The following SPTB variants were observed in gnomAD, a reference collection of about 807,000 sequenced individuals.
SPTB encodes spectrin beta, erythrocytic.
In SPTB, 45 loss-of-function variants were observed where a neutral mutation model predicts 256.2. The ratio of observed to expected loss-of-function variants is 0.18; its 90% CI spans 0.14 to 0.23. SPTB has a LOEUF of 0.23. Among genes scored for constraint, SPTB ranks in the 10% least tolerant of loss-of-function variants. SPTB has a pLI of 1.00. For synonymous variants in SPTB, 1,231 were observed against 1,243.1 expected, an observed-to-expected ratio of 0.99 and a Z score of 0.21; for missense variants, 2,715 against 3,040.4, an observed-to-expected ratio of 0.89 and a Z score of 2.52.
At chr14:64,801,258 A>AGGCTGGCAG in intron 7 of SPTB, 27 bp downstream of exon 7, 1 of 1,580,042 alleles carries the variant, frequency 6.3e-7, no homozygotes, top group Non-Finnish European at 8.7e-7. Context: ...GCTGCAGCAA[A>AGGCTGGCAG]GGCTGGCAGG....
intron 2 of SPTB, among the ~76,000 whole-genome samples, chr14:64,811,721 T>C (rs188425849): frequency 1.3e-3 from 191 of 152,368 alleles, no homozygotes; most frequent in African/African-American, 3.9e-3. Context: ...CTCTACTTTT[T>C]TACCAGTTTG....
intron 1 of SPTB, among the ~76,000 whole-genome samples, chr14:64,854,530 C>T (rs1197409372): frequency 3.3e-5 from 5 of 151,952 alleles, no homozygotes; most frequent in East Asian, 3.9e-4. Context: ...CGCCCGCCTC[C>T]GCCTCCCAAA....
intron 1 of SPTB, among the ~76,000 whole-genome samples, chr14:64,840,709 C>T (rs573824375): frequency 1.3e-5 from 2 of 152,308 alleles, no homozygotes; most frequent in Middle Eastern, 3.4e-3. Flanking sequence ...TCACCATCCC[C>T]ACACACTTAC....
intron 5 of SPTB, 131 bp from the exon 6 acceptor site, chr14:64,801,965 G>C: frequency 1.0e-6 from 1 of 956,292 alleles, no homozygotes; most frequent in Non-Finnish European, 1.7e-6. Flanking sequence ...ACCAAGAGGG[G>C]GCAGCAGCTA....
At chr14:64,765,710 AGG>A (rs1403158854) in intron 32 of SPTB, among the ~76,000 whole-genome samples, 1 of 152,146 alleles carries the variant, frequency 6.6e-6, no homozygotes, top group African/African-American at 2.4e-5. Flanking sequence ...GGCTCTGCAT[AGG>A]GGGAAAGAAT....
intron 32 of SPTB, among the ~76,000 whole-genome samples, chr14:64,766,195 G>T (rs562999060): frequency 1.7e-4 from 26 of 149,242 alleles, no homozygotes; most frequent in African/African-American, 5.8e-4. Flanking sequence ...TGTGTATGTG[G>T]GTGTGTGGTT....
chr14:64,769,672 A>G lies in SPTB; in HGVS notation c.5855T>C (p.Ile1952Thr), dbSNP rs138039383. 1,756 of 1,614,152 alleles carry G rather than the reference A, an allele frequency of 1.1e-3. 1 individual carries two copies. Among genetic ancestry groups the G allele is most frequent in the Non-Finnish European group, 1.4e-3 (1,658 of 1,180,024 alleles). Reference sequence around the variant, plus strand: ...ACTGAAGTTCTTGCTCCGGGTTTCAATCTCTGCATTGATGCCCTGGTGATA... The same window carrying G: ...ACTGAAGTTCTTGCTCCGGGTTTCAGTCTCTGCATTGATGCCCTGGTGATA... ...MKYHQGINAE[I>T]ETRSKNFSAC... Residue 1952 changes from isoleucine to threonine, a missense_variant, in exon 28 of 36, where the codon ATT becomes ACT. Ile to Thr is a moderately conservative substitution (Grantham distance 89). Around this residue, in one of 4 missense-constraint regions of SPTB, gnomAD observed 2,239 missense variants for 2,384.4 expected, o/e 0.94. Coordinates refer to ENST00000644917, the MANE Select transcript of SPTB (RefSeq NM_001355436.2).
chr14:64,858,668 C>T (rs2083911601), intron 1 of SPTB, among the ~76,000 whole-genome samples: 1 of 152,104 alleles, frequency 6.6e-6, no homozygotes, highest in Non-Finnish European at 1.5e-5. Flanking sequence ...GGCATTTGGT[C>T]TAAGTACGCA....
chr14:64,817,734 A>C (rs2083217769), intron 2 of SPTB, among the ~76,000 whole-genome samples: 1 of 152,258 alleles, frequency 6.6e-6, no homozygotes, highest in African/African-American at 2.4e-5. Context: ...GGGAGAGGCC[A>C]AACATGTCCT....
intron 32 of SPTB, among the ~76,000 whole-genome samples, chr14:64,763,513 C>T (rs780262905): frequency 4.6e-5 from 7 of 152,270 alleles, no homozygotes; most frequent in South Asian, 2.1e-4. Context: ...CCACCTCTCC[C>T]AGCCCCTCCC....
In SPTB at chr14:64,866,909, T is replaced by C. The variant is rs1246163327; in HGVS notation, c.-52+12883A>G. On this transcript the variant is annotated intron_variant, in intron 1 of 35. Transcript: ENST00000644917. The surrounding 1 kb of genome is among the most constrained non-coding windows in gnomAD (Gnocchi z 4.6). ...TGCTTTTCTTAACTCTTTATTGTTATGAAACAAATCTTGTGTCCGTGGATC... is the reference window on the plus strand; with the variant it reads ...TGCTTTTCTTAACTCTTTATTGTTACGAAACAAATCTTGTGTCCGTGGATC... Among the ~76,000 whole-genome samples, 2 of 152,216 alleles carry C rather than the reference T, an allele frequency of 1.3e-5. No individual in the cohort carries two copies. Among genetic ancestry groups the C allele is most frequent in the African/African-American group, 4.8e-5 (2 of 41,444 alleles).
chr14:64,788,502 C>T (rs559901979), intron 15 of SPTB, among the ~76,000 whole-genome samples: 2 of 152,292 alleles, frequency 1.3e-5, no homozygotes, highest in Non-Finnish European at 2.9e-5. Flanking sequence ...ATGAAGACCC[C>T]GTGCTCTGGG....
intron 1 of SPTB, among the ~76,000 whole-genome samples, chr14:64,839,330 G>A (rs2083571175): frequency 1.3e-5 from 2 of 152,180 alleles, no homozygotes; most frequent in African/African-American, 4.8e-5. Context: ...GACTCAACAG[G>A]CTGCTCACTG....
chr14:64,874,822 G>A (rs1013314301), intron 1 of SPTB, among the ~76,000 whole-genome samples: 7 of 152,220 alleles, frequency 4.6e-5, no homozygotes, highest in African/African-American at 1.4e-4. Flanking sequence ...TTTCACAATG[G>A]TGGAAACTCC....
chr14:64,876,128 CTTT>C (rs563433864), intron 1 of SPTB, among the ~76,000 whole-genome samples: 165 of 152,088 alleles, frequency 1.1e-3, no homozygotes, highest in African/African-American at 3.9e-3. Flanking sequence ...CTATACCTGG[CTTT>C]TTTATATCAA....
chr14:64,859,299 T>G (rs541463881), intron 1 of SPTB, among the ~76,000 whole-genome samples: 13 of 152,208 alleles, frequency 8.5e-5, no homozygotes, highest in African/African-American at 1.4e-4. Context: ...AAATAAAGTA[T>G]GGTTCTTCCC....
rs931885402 is a variant in SPTB, at chr14:64,873,808, G to A, written c.-52+5984C>T. On this transcript the variant is annotated intron_variant, in intron 1 of 35. Transcript: ENST00000644917. The surrounding 1 kb of genome is among the most constrained non-coding windows in gnomAD (Gnocchi z 4.3). ...AGTCAGGTTTTGGAATAAACTACTA[G>A]AGGGACATTGAGTATATAAATGTAC... Among the ~76,000 whole-genome samples, 5 of 152,188 alleles carry A rather than the reference G, an allele frequency of 3.3e-5. No individual in the cohort carries two copies. Among genetic ancestry groups the A allele is most frequent in the Admixed American group, 6.5e-5 (1 of 15,286 alleles).
At chr14:64,753,291 T>G (rs1237345879) in intron 33 of SPTB, among the ~76,000 whole-genome samples, 1 of 152,140 alleles carries the variant, frequency 6.6e-6, no homozygotes, top group Non-Finnish European at 1.5e-5. Flanking sequence ...GAAACCGATT[T>G]AAAGAGGTTG....
intron 32 of SPTB, among the ~76,000 whole-genome samples, chr14:64,765,083 G>A (rs1188212513): frequency 7.6e-6 from 1 of 131,720 alleles, no homozygotes; most frequent in African/African-American, 2.7e-5. Context: ...GGGTGGGGAG[G>A]GCATCTGTCT....
Sources: allele counts gnomAD v4.1 joint callset (sites outside exome capture counted in the v4.1 genomes callset), GRCh38; gene constraint gnomAD v4.1.1; regional missense constraint gnomAD v4.1.1; non-coding constraint Gnocchi (gnomAD v3.1); transcripts MANE v1.5; gene names NCBI Gene and HGNC (gene_info 2026-07-23, HGNC 2026-07-21).